Variants in DGKD observed in about 807,000 individuals in gnomAD.
DGKD encodes diacylglycerol kinase delta.
DGKD carries 68 observed loss-of-function variants against 154.4 expected under a neutral mutation model. The ratio of observed to expected loss-of-function variants is 0.44; its 90% CI spans 0.36 to 0.54. The LOEUF (loss-of-function observed/expected upper bound fraction) is 0.54, where lower values mean the gene tolerates loss of function less well. Among genes scored for constraint, DGKD ranks in the 20% least tolerant of loss-of-function variants. The probability of loss-of-function intolerance (pLI) is 0.00; values close to 1 mark genes in which losing one functional copy is unlikely to be tolerated. For missense variants in DGKD, 1,343 were observed against 1,593.6 expected, an observed-to-expected ratio of 0.84 and a Z score of 2.68; for synonymous variants, 693 against 638.0, an observed-to-expected ratio of 1.09 and a Z score of -1.30.
In DGKD at chr2:233,354,934, G is replaced by A. The variant is rs1454611447; in HGVS notation, c.156+260G>A. On this transcript the variant is annotated intron_variant, in intron 1 of 29. Coordinates refer to ENST00000264057, the MANE Select transcript of DGKD (RefSeq NM_152879.3). This position sits in a 1 kb window ranked among gnomAD's most constrained non-coding sequence, Gnocchi z 4.8. ...CAGGTGGGCGCCCCGGGCGCCGCGC[G>A]CTGGGCGGGGGGCGCGCGCCGAGTT... is the stretch of plus-strand genomic sequence containing the variant. Among the ~76,000 whole-genome samples the A allele has an allele frequency of 6.8e-6, 1 of 147,334 alleles. No homozygotes were observed. The highest frequency in any genetic ancestry group is 1.5e-5 in the Non-Finnish European group (1 of 66,464).
At chr2:233,368,279 C>T (rs542433936) in intron 1 of DGKD, among the ~76,000 whole-genome samples, 1 of 152,138 alleles carries the variant, frequency 6.6e-6, no homozygotes, top group Non-Finnish European at 1.5e-5. Context: ...GAGGCCAAGG[C>T]TCAGGCGATC....
At chr2:233,405,205 A>C (rs1416499168) in intron 3 of DGKD, among the ~76,000 whole-genome samples, 1 of 152,246 alleles carries the variant, frequency 6.6e-6, no homozygotes, top group Non-Finnish European at 1.5e-5. Flanking sequence ...GTGCAACAGT[A>C]TTGAGAGGTA....
intron 16 of DGKD, 47 bp from the exon 17 acceptor site, chr2:233,450,875 A>G: frequency 6.4e-7 from 1 of 1,562,014 alleles, no homozygotes; most frequent in Non-Finnish European, 8.7e-7. Flanking sequence ...AGGATTTCAC[A>G]GTCTCTATTC....
intron 29 of DGKD, among the ~76,000 whole-genome samples, chr2:233,468,888 G>A (rs1478546526): frequency 2.6e-5 from 4 of 152,228 alleles, no homozygotes; most frequent in South Asian, 4.1e-4. Context: ...GCTCCTGGGC[G>A]GGTGCTGCCA....
intron 7 of DGKD, among the ~76,000 whole-genome samples, chr2:233,436,697 C>G (rs1349701477): frequency 6.6e-6 from 1 of 152,282 alleles, no homozygotes; most frequent in Non-Finnish European, 1.5e-5. Flanking sequence ...CACCCTGCAT[C>G]ATGCGGCACT....
At chr2:233,410,444 C>T (rs536953772) in intron 3 of DGKD, among the ~76,000 whole-genome samples, 1 of 152,286 alleles carries the variant, frequency 6.6e-6, no homozygotes, top group South Asian at 2.1e-4. Flanking sequence ...CCTGTGAAAA[C>T]TTGATGGTTT....
At chr2:233,398,826 G>T (rs1575044126) in intron 3 of DGKD, among the ~76,000 whole-genome samples, 1 of 152,208 alleles carries the variant, frequency 6.6e-6, no homozygotes, top group Admixed American at 6.5e-5. Context: ...GTTTCACCAT[G>T]TTGGCCAGGC....
At chr2:233,368,528 G>T (rs75132453) in intron 1 of DGKD, among the ~76,000 whole-genome samples, 1 of 151,864 alleles carries the variant, frequency 6.6e-6, no homozygotes, top group Non-Finnish European at 1.5e-5. Flanking sequence ...GAAAATAAAA[G>T]GATATTTGCT....
Position 233,360,039 on chromosome 2 carries a change from C to T in DGKD, c.156+5365C>T, listed in dbSNP as rs58172277. On this transcript the variant is annotated intron_variant, in intron 1 of 29. Coordinates refer to ENST00000264057, the MANE Select transcript of DGKD (RefSeq NM_152879.3). ...GCAGTGGTGAGCTGAGTGACTGCAG[C>T]GCCACTCTTCCAAGCACAGTCTGCT... Among the ~76,000 whole-genome samples, 706 of 152,170 alleles carry T rather than the reference C, an allele frequency of 4.6e-3. 5 individuals carry two copies. The highest frequency in any genetic ancestry group is 0.016 in the African/African-American group (663 of 41,500).
At chr2:233,368,431 G>A (rs1702145148) in intron 1 of DGKD, among the ~76,000 whole-genome samples, 1 of 152,118 alleles carries the variant, frequency 6.6e-6, no homozygotes, top group East Asian at 1.9e-4. Context: ...AGAATCGCAT[G>A]AACCCAGGAG....
At position 233,379,207 on chromosome 2, in the gene DGKD, G is replaced by A. The variant is rs141706112; in HGVS notation, c.157-9050G>A. On this transcript the variant is annotated intron_variant, in intron 1 of 29. Coordinates refer to ENST00000264057, the MANE Select transcript of DGKD (RefSeq NM_152879.3). Reference sequence around the variant, plus strand: ...GGTGATAGCTAGTTCTGCCTTGGGGGAGTCTGGGAAGACTTCCCGAAGGTG... The same window carrying A: ...GGTGATAGCTAGTTCTGCCTTGGGGAAGTCTGGGAAGACTTCCCGAAGGTG... 4.5e-3 allele frequency among the ~76,000 whole-genome samples: 678 copies of A among 152,294 alleles called. 2 individuals carry two copies. Among genetic ancestry groups the A allele is most frequent in the Admixed American group, 8.3e-3 (127 of 15,300 alleles).
At chr2:233,387,356 C>G (rs1286712591) in intron 1 of DGKD, among the ~76,000 whole-genome samples, 1 of 152,154 alleles carries the variant, frequency 6.6e-6, no homozygotes, top group Non-Finnish European at 1.5e-5. Context: ...GTGGACTGGG[C>G]ATTTCCGTGA....
Position 233,456,917 on chromosome 2 carries a change from G to T in DGKD, c.2394G>T (p.Met798Ile), listed in dbSNP as rs778368512. Residue 798 changes from methionine to isoleucine, a missense_variant, in exon 20 of 30, where the codon ATG (methionine) becomes ATT (isoleucine). By Grantham distance (10) the Met-to-Ile change is conservative. Around this residue, in one of 6 missense-constraint regions of DGKD, gnomAD observed 60 missense variants for 112.4 expected, o/e 0.53. Coordinates refer to ENST00000264057, the MANE Select transcript of DGKD (RefSeq NM_152879.3). Reference protein sequence around the residue: ...PEKCRSRTKNMMWYGVLGTKE... With the variant: ...PEKCRSRTKNIMWYGVLGTKE... ...TTTCTAGGAGCCGAACCAAGAACATGATGTGGTATGGAGTTCTTGGAACCA... is the reference window on the plus strand; with the variant it reads ...TTTCTAGGAGCCGAACCAAGAACATTATGTGGTATGGAGTTCTTGGAACCA... 2 of 1,614,006 alleles carry T rather than the reference G, an allele frequency of 1.2e-6. No individual in the cohort carries two copies. Among genetic ancestry groups the T allele is most frequent in the Admixed American group, 3.3e-5 (2 of 60,012 alleles).
chr2:233,429,264 C>T (rs939807536), intron 3 of DGKD: 1 of 985,250 alleles, frequency 1.0e-6, no homozygotes. Context: ...TATCCTGTTG[C>T]ATGACTCCTA....
chr2:233,429,019 A>C lies in DGKD; in HGVS notation c.349-5361A>C, dbSNP rs1005009429. The C allele has an allele frequency of 1.4e-5, 9 of 640,712 alleles. No individual in the cohort carries two copies. The African/African-American group carries it at 1.8e-4, about 13-fold the overall frequency. 39.7% of individuals were successfully genotyped at this position (640,712 alleles called of 1,614,324 possible). On this transcript the variant is annotated intron_variant, in intron 3 of 29. Coordinates refer to ENST00000264057, the MANE Select transcript of DGKD (RefSeq NM_152879.3). ...CCATTGGTCACTTGTATCTTAACTC[A>C]CTGTCTTTAAACCTAATGCTTTTGT...
At position 233,440,599 on chromosome 2, in the gene DGKD, C is replaced by G. The variant is rs2062853441; in HGVS notation, c.1086-1288C>G. ...AAGGCTGCAGGGAGGCGGGAGGCTTCTGGGCTGAGGGCACCGCTTGTGCAG... is the reference window on the plus strand; with the variant it reads ...AAGGCTGCAGGGAGGCGGGAGGCTTGTGGGCTGAGGGCACCGCTTGTGCAG... On this transcript the variant is annotated intron_variant, in intron 9 of 29. Transcript: ENST00000264057. The surrounding 1 kb of genome is among the most constrained non-coding windows in gnomAD (Gnocchi z 4.9). Among the ~76,000 whole-genome samples the G allele has an allele frequency of 6.6e-6, 1 of 152,134 alleles. No individual in the cohort carries two copies. The highest frequency in any genetic ancestry group is 1.5e-5 in the Non-Finnish European group (1 of 68,018).
chr2:233,399,912 G>T (rs887101607), intron 3 of DGKD, among the ~76,000 whole-genome samples: 5 of 152,116 alleles, frequency 3.3e-5, no homozygotes, highest in African/African-American at 7.2e-5. Context: ...TTCTGCTGTT[G>T]TTGGTACTTT....
chr2:233,367,155 C>G (rs1234125321), intron 1 of DGKD, among the ~76,000 whole-genome samples: 1 of 151,756 alleles, frequency 6.6e-6, no homozygotes, highest in Non-Finnish European at 1.5e-5. Flanking sequence ...TTCCACTGTT[C>G]TCTCTTCCCG....
chr2:233,418,079 C>T (rs542715309), intron 3 of DGKD, among the ~76,000 whole-genome samples: 1 of 152,332 alleles, frequency 6.6e-6, no homozygotes, highest in South Asian at 2.1e-4. Context: ...TTTATACAGA[C>T]TAGTTTATGA....
Sources: gnomAD v4.1 joint callset for allele counts (sites outside exome capture counted in the v4.1 genomes callset) on GRCh38, gnomAD v4.1.1 for gene constraint, gnomAD v4.1.1 regional missense constraint, Gnocchi (gnomAD v3.1) non-coding constraint, MANE v1.5 for transcripts, NCBI Gene and HGNC (gene_info 2026-07-23, HGNC 2026-07-21) for gene names.